APBB2: variants seen among roughly 807,000 people sequenced by gnomAD.
The protein encoded by APBB2 is amyloid beta precursor protein binding family B member 2.
In APBB2, 38 loss-of-function variants were observed where a neutral mutation model predicts 82.5. The ratio of observed to expected loss-of-function variants is 0.46; its 90% CI spans 0.36 to 0.60. APBB2 has a LOEUF of 0.60. APBB2 is among the 20% of genes least tolerant of loss of function. The pLI, the probability that APBB2 is intolerant of heterozygous loss-of-function variation, is 0.00. For synonymous variants in APBB2, 341 were observed against 368.2 expected, an observed-to-expected ratio of 0.93 and a Z score of 0.85; for missense variants, 772 against 972.3, an observed-to-expected ratio of 0.79 and a Z score of 2.74.
chr4:41,199,986 T>C (rs1052984499), intron 1 of APBB2, among the ~76,000 whole-genome samples: 2 of 152,234 alleles, frequency 1.3e-5, no homozygotes, highest in Non-Finnish European at 2.9e-5. Context: ...GGAAATGATC[T>C]GGTATGAGTA....
At chr4:41,110,475 C>A (rs1232926104) in intron 2 of APBB2, among the ~76,000 whole-genome samples, 1 of 151,878 alleles carries the variant, frequency 6.6e-6, no homozygotes, top group Non-Finnish European at 1.5e-5. Flanking sequence ...TGGTGACGGG[C>A]ACCTGTAATC....
intron 5 of APBB2, among the ~76,000 whole-genome samples, chr4:41,018,354 C>T (rs570421150): frequency 3.5e-4 from 53 of 152,154 alleles, no homozygotes; most frequent in African/African-American, 1.2e-3. Flanking sequence ...CAGAGGGTGA[C>T]GGGTGGGCAG....
At chr4:41,198,022 C>T in intron 1 of APBB2, among the ~76,000 whole-genome samples, 1 of 152,162 alleles carries the variant, frequency 6.6e-6, no homozygotes, top group African/African-American at 2.4e-5. Context: ...CTTACAATAA[C>T]CCTACTGAGA....
intron 1 of APBB2, among the ~76,000 whole-genome samples, chr4:41,190,493 C>T (rs1239399803): frequency 6.6e-6 from 1 of 151,992 alleles, no homozygotes; most frequent in Non-Finnish European, 1.5e-5. Flanking sequence ...TTGTGATCCA[C>T]CTGCCTCAGC....
At position 41,059,000 on chromosome 4, in the gene APBB2, A is replaced by G. The variant is rs368018404; in HGVS notation, c.-51+6576T>C. On this transcript the variant is annotated intron_variant, in intron 4 of 17. Transcript: ENST00000508593. ...AGCTCTGAAGATGTAAAAGGCTATC[A>G]GAACATGAGACAGGCTTAGTGTGTA... 3.3e-5 allele frequency among the ~76,000 whole-genome samples: 5 copies of G among 152,350 alleles called. No homozygotes were observed. The South Asian group carries it at 1.0e-3, about 32-fold the overall frequency.
intron 1 of APBB2, among the ~76,000 whole-genome samples, chr4:41,145,778 G>A (rs945739829): frequency 6.6e-6 from 1 of 152,194 alleles, no homozygotes; most frequent in Non-Finnish European, 1.5e-5. Context: ...AGCCACCTGT[G>A]AGAGACAGGA....
chr4:41,058,517 T>C (rs1728615941), intron 4 of APBB2, among the ~76,000 whole-genome samples: 1 of 152,098 alleles, frequency 6.6e-6, no homozygotes, highest in African/African-American at 2.4e-5. Context: ...ATTTTACAGG[T>C]TGGGTTCACA....
intron 12 of APBB2, among the ~76,000 whole-genome samples, chr4:40,888,791 C>G (rs1007954358): frequency 5.9e-5 from 9 of 152,142 alleles, no homozygotes; most frequent in Non-Finnish European, 1.0e-4. Flanking sequence ...CCCTGCCTCG[C>G]ACACGTATGT....
chr4:41,033,162 T>C (rs901328345), intron 5 of APBB2, 74 bp downstream of exon 5: 14 of 945,364 alleles, frequency 1.5e-5, no homozygotes, highest in Non-Finnish European at 2.2e-5. Context: ...AAGTTTAACA[T>C]TAAACATTAT....
intron 1 of APBB2, among the ~76,000 whole-genome samples, chr4:41,199,019 A>G (rs1161419806): frequency 6.6e-6 from 1 of 152,224 alleles, no homozygotes; most frequent in Non-Finnish European, 1.5e-5. Context: ...CTCTTCTTAT[A>G]AGAAAACCAG....
rs114571708 is a variant in APBB2, at chr4:40,869,800, C to T, written c.1529+20564G>A. ...TTATATAATTGCTTACTTTTCTTAA[C>T]AGGCTTATTACCTAGGAAGGCTTGT... On this transcript the variant is annotated intron_variant, in intron 12 of 17. Coordinates refer to ENST00000508593, the MANE Select transcript of APBB2 (RefSeq NM_004307.2). 4.4e-3 allele frequency among the ~76,000 whole-genome samples: 667 copies of T among 152,146 alleles called. 5 individuals are homozygous for T. The highest frequency in any genetic ancestry group is 0.015 in the African/African-American group (614 of 41,514).
chr4:40,894,471 T>C (rs1040231357), intron 10 of APBB2, among the ~76,000 whole-genome samples: 49 of 152,184 alleles, frequency 3.2e-4, no homozygotes, highest in African/African-American at 1.2e-3. Flanking sequence ...AACTGCATGT[T>C]AGGCACTTGT....
chr4:41,084,490 C>T (rs1307498434), intron 3 of APBB2: 3 of 152,028 alleles, frequency 2.0e-5, no homozygotes, highest in Non-Finnish European at 4.4e-5. Flanking sequence ...GTAAGAATTT[C>T]GATAATAAAA....
intron 3 of APBB2, among the ~76,000 whole-genome samples, chr4:41,073,852 G>T (rs1054661183): frequency 6.6e-6 from 1 of 152,224 alleles, no homozygotes; most frequent in African/African-American, 2.4e-5. Flanking sequence ...ATTACAGTGT[G>T]TAATGAATAC....
At chr4:40,858,454 C>CAAAA (rs34433911) in intron 12 of APBB2, among the ~76,000 whole-genome samples, 21 of 57,702 alleles carry the variant, frequency 3.6e-4, no homozygotes, top group East Asian at 5.6e-4. Flanking sequence ...GAGTCCGTCT[C>CAAAA]AAAAAAAAAA....
intron 2 of APBB2, among the ~76,000 whole-genome samples, chr4:41,136,179 G>C (rs1252243024): frequency 1.3e-5 from 2 of 152,174 alleles, no homozygotes; most frequent in East Asian, 3.8e-4. Flanking sequence ...TGGTTAAGAG[G>C]TTACTCTAAC....
At chr4:41,150,529 C>A (rs1246387032) in intron 1 of APBB2, among the ~76,000 whole-genome samples, 1 of 152,196 alleles carries the variant, frequency 6.6e-6, no homozygotes, top group Non-Finnish European at 1.5e-5. Flanking sequence ...CCCTGCCCTA[C>A]TACTCTGTCA....
intron 6 of APBB2, among the ~76,000 whole-genome samples, chr4:40,950,495 T>G (rs1490025441): frequency 6.6e-6 from 1 of 152,194 alleles, no homozygotes; most frequent in African/African-American, 2.4e-5. Flanking sequence ...GAGAACTGCT[T>G]GAGTCTAGGA....
intron 2 of APBB2, among the ~76,000 whole-genome samples, chr4:41,114,409 C>T: frequency 6.6e-6 from 1 of 152,250 alleles, no homozygotes; most frequent in South Asian, 2.1e-4. Context: ...TGAAAACTGG[C>T]ACAAGACAAG....
Sources: allele counts gnomAD v4.1 joint callset (sites outside exome capture counted in the v4.1 genomes callset), GRCh38; gene constraint gnomAD v4.1.1; transcripts MANE v1.5; gene names NCBI Gene and HGNC (gene_info 2026-07-23, HGNC 2026-07-21).